Variants in HMG20A observed in about 807,000 individuals in gnomAD.
HMG20A encodes high mobility group protein 20A.
Under a neutral mutation model 43.9 loss-of-function variants are expected in HMG20A, and 17 were observed. The observed-to-expected ratio is 0.39, with a 90% CI of 0.27 to 0.58. The LOEUF (loss-of-function observed/expected upper bound fraction) is 0.58. Ranked by LOEUF, HMG20A falls within the 20% of genes least tolerant of loss-of-function variation. The probability of loss-of-function intolerance (pLI) is 0.59; values close to 1 mark genes in which losing one functional copy is unlikely to be tolerated. For synonymous variants in HMG20A, 132 were observed against 147.5 expected (o/e 0.89, Z 0.76); for missense variants, 341 against 438.2 (o/e 0.78, Z 1.98).
In HMG20A at chr15:77,450,107, A is replaced by T. The variant is rs528982190; in HGVS notation, c.-4-8297A>T. 3.9e-5 allele frequency among the ~76,000 whole-genome samples: 6 copies of T among 152,186 alleles called. No individual in the cohort carries two copies. In the South Asian group the frequency reaches 1.2e-3, roughly 32 times the overall value. ...AGTGTTTCAGGTTTCAGATCTTTTC[A>T]GATTTATTTTTTATTTATTTATTTT... On this transcript the variant is annotated intron_variant, in intron 1 of 9. Transcript: ENST00000336216.
intron 1 of HMG20A, among the ~76,000 whole-genome samples, chr15:77,426,027 T>A (rs981659452): frequency 6.6e-6 from 1 of 152,158 alleles, no homozygotes; most frequent in African/African-American, 2.4e-5. Flanking sequence ...AAAGGCAACC[T>A]ATTATGTGAT....
intron 1 of HMG20A, among the ~76,000 whole-genome samples, chr15:77,436,718 C>G (rs910497034): frequency 2.0e-5 from 3 of 152,154 alleles, no homozygotes; most frequent in African/African-American, 7.2e-5. Context: ...CTCAGCCTCC[C>G]AAAGTGCTGG....
At chr15:77,513,877 C>A in the HMG20A span, among the ~76,000 whole-genome samples, 1 of 152,134 alleles carries the variant, frequency 6.6e-6, no homozygotes, top group Non-Finnish European at 1.5e-5. Context: ...AGGCATGCGC[C>A]ACCATGCCCA....
intron 9 of HMG20A, among the ~76,000 whole-genome samples, chr15:77,480,436 C>T (rs1373645428): frequency 6.6e-6 from 1 of 151,422 alleles, no homozygotes; most frequent in Non-Finnish European, 1.5e-5. Context: ...AATAGTGAGA[C>T]CCCTGCTTTA....
chr15:77,446,018 G>A (rs1424931308), intron 1 of HMG20A, among the ~76,000 whole-genome samples: 3 of 152,216 alleles, frequency 2.0e-5, no homozygotes, highest in Non-Finnish European at 4.4e-5. Flanking sequence ...GCTTTTCGCA[G>A]ACTCCAGCCT....
At position 77,467,160 on chromosome 15, in the gene HMG20A, T is replaced by G. The variant is rs764419618; in HGVS notation, c.303T>G (p.Asn101Lys). 83 of 1,613,966 alleles carry G rather than the reference T, an allele frequency of 5.1e-5. No individual in the cohort carries two copies. The highest frequency in any genetic ancestry group is 7.0e-5 in the Non-Finnish European group (83 of 1,180,002). ...RKRKKPLRDS[N>K]APKSPLTGYV... ...GGAAGAAACCTCTTCGAGACAGCAA[T>G]GCACCCAAATCCCCCCTTACAGGAT... Residue 101 changes from asparagine (N) to lysine (K), a missense_variant, in exon 4 of 10, where the codon AAT becomes AAG. Asn to Lys is a moderately conservative substitution (Grantham distance 94). Transcript: ENST00000336216.
chr15:77,507,167 C>T, the HMG20A span, among the ~76,000 whole-genome samples: 1 of 152,254 alleles, frequency 6.6e-6, no homozygotes, highest in Non-Finnish European at 1.5e-5. Context: ...GAACTCACAC[C>T]ATCAGCTTTT....
At chr15:77,503,089 G>A in the HMG20A span, among the ~76,000 whole-genome samples, 1 of 152,174 alleles carries the variant, frequency 6.6e-6, no homozygotes. Context: ...TATTTGCTTA[G>A]GTATTCTTTT....
At chr15:77,434,368 GAAATT>G (rs2073522680) in intron 1 of HMG20A, among the ~76,000 whole-genome samples, 1 of 151,792 alleles carries the variant, frequency 6.6e-6, no homozygotes, top group South Asian at 2.1e-4. Flanking sequence ...TGGAGTTTAT[GAAATT>G]AAAAACTTCA....
chr15:77,438,026 A>G lies in HMG20A; in HGVS notation c.-5+17022A>G, dbSNP rs1420209000. 1.0e-3 allele frequency among the ~76,000 whole-genome samples: 159 copies of G among 151,902 alleles called. 2 individuals are homozygous for G. Among genetic ancestry groups the G allele is most frequent in the Non-Finnish European group, 1.2e-4 (8 of 67,952 alleles). Reference sequence around the variant, plus strand: ...CCAAGCTGGAGTGCAGTGGCATGATAACTCACTGCAGCCTTGAACTCCTAG... The same window carrying G: ...CCAAGCTGGAGTGCAGTGGCATGATGACTCACTGCAGCCTTGAACTCCTAG... On this transcript the variant is annotated intron_variant, in intron 1 of 9. Transcript: ENST00000336216.
At chr15:77,452,253 T>C (rs1216614492) in intron 1 of HMG20A, among the ~76,000 whole-genome samples, 1 of 152,220 alleles carries the variant, frequency 6.6e-6, no homozygotes, top group East Asian at 1.9e-4. Flanking sequence ...ATGCCCATGA[T>C]ATGCTCAAAA....
chr15:77,422,060 G>C (rs1002525683), intron 1 of HMG20A, among the ~76,000 whole-genome samples: 2 of 152,106 alleles, frequency 1.3e-5, no homozygotes, highest in Non-Finnish European at 2.9e-5. Context: ...TATGTGAGGC[G>C]GTAATAAACA....
chr15:77,482,274 T>A (rs1264402845), intron 9 of HMG20A: 1 of 152,148 alleles, frequency 6.6e-6, no homozygotes, highest in Non-Finnish European at 1.5e-5. Flanking sequence ...TGTTATAGAA[T>A]TTTAGCTCAT....
intron 6 of HMG20A, among the ~76,000 whole-genome samples, chr15:77,477,238 A>G (rs1427585250): frequency 6.6e-6 from 1 of 152,230 alleles, no homozygotes; most frequent in Non-Finnish European, 1.5e-5. Flanking sequence ...TCACAACTGT[A>G]TACTGTTGAC....
chr15:77,490,308 A>T (rs984610588), downstream of HMG20A, among the ~76,000 whole-genome samples: 6 of 151,822 alleles, frequency 4.0e-5, no homozygotes, highest in Admixed American at 2.6e-4. Context: ...AAGTAAAATA[A>T]AATAAAGGGT....
At chr15:77,517,790 G>A in the HMG20A span, among the ~76,000 whole-genome samples, 1 of 151,790 alleles carries the variant, frequency 6.6e-6, no homozygotes, top group East Asian at 1.9e-4. Context: ...CTCCCACCCA[G>A]CTTCCTGGAG....
the HMG20A span, among the ~76,000 whole-genome samples, chr15:77,507,613 G>A: frequency 2.6e-5 from 4 of 152,242 alleles, no homozygotes; most frequent in Admixed American, 6.5e-5. Flanking sequence ...GAAGGGCTGC[G>A]TGTCTCATAC....
chr15:77,430,824 C>T (rs2073476826), intron 1 of HMG20A, among the ~76,000 whole-genome samples: 1 of 152,032 alleles, frequency 6.6e-6, no homozygotes, highest in African/African-American at 2.4e-5. Flanking sequence ...CTTGTGACAG[C>T]AACAATATGA....
intron 2 of HMG20A, among the ~76,000 whole-genome samples, chr15:77,462,604 C>CAT (rs2072714571): frequency 6.6e-6 from 1 of 151,636 alleles, no homozygotes; most frequent in Admixed American, 6.6e-5. Flanking sequence ...TCTGTCCACA[C>CAT]ACACACACAC....
Sources: allele counts gnomAD v4.1 joint callset (sites outside exome capture counted in the v4.1 genomes callset), GRCh38; gene constraint gnomAD v4.1.1; transcripts MANE v1.5; gene names NCBI Gene and HGNC (gene_info 2026-07-23, HGNC 2026-07-21).